Variants in HPSE observed in about 807,000 individuals in gnomAD.
HPSE encodes endo-glucoronidase.
Under a neutral mutation model 65.1 loss-of-function variants are expected in HPSE, and 48 were observed. The observed-to-expected ratio is 0.74, with a 90% CI of 0.58 to 0.94. HPSE has a LOEUF of 0.94. HPSE is among the 40% of genes least tolerant of loss of function. HPSE has a pLI of 0.00. For synonymous variants in HPSE, 243 were observed against 260.0 expected, an observed-to-expected ratio of 0.93 and a Z score of 0.63; for missense variants, 644 against 637.5, an observed-to-expected ratio of 1.01 and a Z score of -0.11.
chr4:83,299,690 T>G (rs1335993406), intron 11 of HPSE, among the ~76,000 whole-genome samples: 2 of 152,012 alleles, frequency 1.3e-5, no homozygotes, highest in African/African-American at 2.4e-5. Flanking sequence ...GAGAATTTTG[T>G]AAACTCTTAA....
At chr4:83,320,684 A>T (rs1372509598) in intron 2 of HPSE, among the ~76,000 whole-genome samples, 2 of 152,150 alleles carry the variant, frequency 1.3e-5, no homozygotes, top group Non-Finnish European at 2.9e-5. Context: ...CTGGCTGATG[A>T]CTTCCTTTCT....
chr4:83,316,098 C>T (rs1202989788), intron 3 of HPSE, among the ~76,000 whole-genome samples: 2 of 151,870 alleles, frequency 1.3e-5, no homozygotes, highest in Non-Finnish European at 2.9e-5. Flanking sequence ...ATGATCTTGG[C>T]TCACTGCAAC....
chr4:83,320,185 G>A (rs1736831864), intron 2 of HPSE, among the ~76,000 whole-genome samples: 1 of 152,182 alleles, frequency 6.6e-6, no homozygotes. Context: ...CATCATGGGA[G>A]GTAGGATGGG....
In HPSE at chr4:83,295,145, A is replaced by G. The variant is rs1577999450; in HGVS notation, c.*199T>C. 2.9e-6 allele frequency: 1 copy of G among 345,710 alleles called. No individual in the cohort carries two copies. Among genetic ancestry groups the G allele is most frequent in the East Asian group, 4.4e-5 (1 of 22,518 alleles). 21.4% of individuals were successfully genotyped at this position (345,710 alleles called of 1,614,324 possible). A position where few individuals can be genotyped will look rare whatever the true frequency, so the allele number is the denominator to read the frequency against. On this transcript the variant is annotated 3_prime_UTR_variant, in exon 12 of 12. Transcript: ENST00000311412. ...TGCTAAGCAGTATTTGGAACAAGGT[A>G]TTATTAGCTATTATTATTAGCAGTG...
intron 2 of HPSE, among the ~76,000 whole-genome samples, chr4:83,321,647 A>G (rs972028484): frequency 5.3e-5 from 8 of 152,060 alleles, no homozygotes; most frequent in African/African-American, 1.9e-4. Context: ...CTTCCATTTG[A>G]TGTCTGATAG....
rs75926605 is a variant in HPSE at position 83,301,790 on chromosome 4, G to T, written c.1325+360C>A. Among the ~76,000 whole-genome samples, 1,259 of 152,126 alleles carry T rather than the reference G, an allele frequency of 8.3e-3. 21 individuals carry two copies. The highest frequency in any genetic ancestry group is 0.029 in the African/African-American group (1,190 of 41,470). On this transcript the variant is annotated intron_variant, in intron 10 of 11. Transcript: ENST00000311412. ...AAGAGTATGAGGCTACAAAAATCTCGATGTCTTCTCAACTCCAGAAACTGC... is the reference window on the plus strand; with the variant it reads ...AAGAGTATGAGGCTACAAAAATCTCTATGTCTTCTCAACTCCAGAAACTGC...
At chr4:83,317,807 T>C (rs1025412600) in intron 3 of HPSE, among the ~76,000 whole-genome samples, 3 of 152,236 alleles carry the variant, frequency 2.0e-5, no homozygotes, top group East Asian at 3.8e-4. Flanking sequence ...AGCAGAGCTA[T>C]AATGATTTAT....
intron 3 of HPSE, among the ~76,000 whole-genome samples, chr4:83,317,404 A>G (rs1490726032): frequency 6.6e-6 from 1 of 152,228 alleles, no homozygotes; most frequent in African/African-American, 2.4e-5. Context: ...GCCCAAACTA[A>G]ACACAGAAGA....
In HPSE at chr4:83,294,378, A is replaced by C. The variant is rs1735650875; in HGVS notation, c.*966T>G. The C allele has an allele frequency of 1.3e-5, 2 of 152,202 alleles. No individual in the cohort carries two copies. The highest frequency in any genetic ancestry group is 2.9e-5 in the Non-Finnish European group (2 of 68,070). The allele number at this position is 152,202 out of a possible 1,614,324, so 9.4% of individuals were successfully genotyped here. ...CGCCCAGCCATTTTTAATAACTTTA[A>C]ATAAAGACTGGTTGTGGTGGCTAAT... On this transcript the variant is annotated 3_prime_UTR_variant, in exon 12 of 12. Transcript: ENST00000311412.
In HPSE at chr4:83,297,221, C is replaced by A. The variant is rs182488961; in HGVS notation, c.1473-1718G>T. On this transcript the variant is annotated intron_variant, in intron 11 of 11. Transcript: ENST00000311412. ...TCATATAGCCTAGATACATAGTAGG[C>A]TAGACCATCTAGGTTTGTGTAAGTT... Among the ~76,000 whole-genome samples the A allele has an allele frequency of 3.3e-3, 496 of 152,240 alleles. 5 individuals carry two copies. Among genetic ancestry groups the A allele is most frequent in the Non-Finnish European group, 4.7e-3 (323 of 68,016 alleles).
chr4:83,309,030 C>T, intron 7 of HPSE, 79 bp from the exon 8 acceptor site: 1 of 1,107,976 alleles, frequency 9.0e-7, no homozygotes, highest in Non-Finnish European at 1.4e-6. Flanking sequence ...AGATTAACAG[C>T]ATTCAAAACT....
chr4:83,322,795 G>T lies in HPSE; in HGVS notation c.228-431C>A, dbSNP rs1470481608. Among the ~76,000 whole-genome samples, 43 of 114,770 alleles carry T rather than the reference G, an allele frequency of 3.7e-4. 1 individual carries two copies. Among genetic ancestry groups the T allele is most frequent in the African/African-American group, 1.7e-3 (40 of 23,352 alleles). 75.3% of individuals were successfully genotyped at this position (114,770 alleles called of 152,430 possible). On this transcript the variant is annotated intron_variant, in intron 1 of 11. Transcript: ENST00000311412. The stretch of plus-strand genomic sequence containing the variant: ...AATTCTGGCAAGAGCTTGTTTGTGT[G>T]TGTGTGTGTGTGTGTGTGTGTGTGT...
intron 11 of HPSE, among the ~76,000 whole-genome samples, chr4:83,296,396 G>A (rs1472719359): frequency 6.6e-6 from 1 of 152,038 alleles, no homozygotes; most frequent in Non-Finnish European, 1.5e-5. Flanking sequence ...AGATTAGGCC[G>A]AGCACAGTGG....
intron 1 of HPSE, among the ~76,000 whole-genome samples, chr4:83,324,924 G>T (rs960520189): frequency 6.6e-6 from 1 of 151,966 alleles, no homozygotes; most frequent in Admixed American, 6.6e-5. Context: ...TATGTTTTGC[G>T]CATTTTGCCA....
At chr4:83,302,677 A>G (rs1036912620) in intron 9 of HPSE, among the ~76,000 whole-genome samples, 3 of 152,186 alleles carry the variant, frequency 2.0e-5, no homozygotes, top group African/African-American at 7.2e-5. Context: ...CTGTTTAGAG[A>G]CAAATAATTT....
intron 3 of HPSE, 22 bp downstream of exon 3, chr4:83,319,322 T>C: frequency 1.2e-6 from 2 of 1,613,086 alleles, no homozygotes; most frequent in Non-Finnish European, 8.5e-7. Context: ...GGAACATCTC[T>C]AGGGTGCCTT....
intron 11 of HPSE, among the ~76,000 whole-genome samples, chr4:83,298,521 T>C (rs1025353343): frequency 1.3e-5 from 2 of 151,600 alleles, no homozygotes; most frequent in Admixed American, 6.6e-5. Flanking sequence ...TATTAAAGTC[T>C]TACTATGCAG....
In HPSE at chr4:83,325,485, G is replaced by A. The variant is rs143651579; in HGVS notation, c.228-3121C>T. On this transcript the variant is annotated intron_variant, in intron 1 of 11. Transcript: ENST00000311412. ...CTGGCCTGTGCGTCTGTTTTAATAG[G>A]TGAAAAAAGCAAGATTTACTTAAGG... Among the ~76,000 whole-genome samples the A allele has an allele frequency of 2.1e-3, 322 of 152,156 alleles. 1 individual carries two copies. Among genetic ancestry groups the A allele is most frequent in the Non-Finnish European group, 3.5e-3 (241 of 68,010 alleles).
rs777083115 is a variant in HPSE at position 83,306,193 on chromosome 4, G to C, written c.1206+10C>G. 7.3e-6 allele frequency: 11 copies of C among 1,497,570 alleles called. No individual in the cohort carries two copies. The highest frequency in any genetic ancestry group is 9.3e-6 in the Non-Finnish European group (10 of 1,073,980). 92.8% of individuals were successfully genotyped at this position (1,497,570 alleles called of 1,614,324 possible). A position where few individuals can be genotyped will look rare whatever the true frequency, so the allele number is the denominator to read the frequency against. On this transcript the variant is annotated intron_variant, in intron 9 of 11. Coordinates refer to ENST00000311412, the MANE Select transcript of HPSE (RefSeq NM_001098540.3). ...ACTCCACTAGAATTAGGAAAATAATGGTCACTTACAGGTAAAGGATCGAAG... is the reference window on the plus strand; with the variant it reads ...ACTCCACTAGAATTAGGAAAATAATCGTCACTTACAGGTAAAGGATCGAAG...
Sources: gnomAD v4.1 joint callset for allele counts (sites outside exome capture counted in the v4.1 genomes callset) on GRCh38, gnomAD v4.1.1 for gene constraint, MANE v1.5 for transcripts, NCBI Gene and HGNC (gene_info 2026-07-23, HGNC 2026-07-21) for gene names.